BEND5: variants seen among roughly 807,000 people sequenced by gnomAD.
BEND5 encodes BEN domain containing 5.
A neutral mutation model predicts 43.9 loss-of-function variants in BEND5; 22 were observed. The observed-to-expected ratio is 0.50, with a 90% CI of 0.36 to 0.72. BEND5 has a LOEUF of 0.72. Ranked by LOEUF, BEND5 falls within the 30% of genes least tolerant of loss-of-function variation. The probability of loss-of-function intolerance (pLI) is 0.00; values close to 1 mark genes in which losing one functional copy is unlikely to be tolerated. For synonymous variants in BEND5, 228 were observed against 225.9 expected (o/e 1.01, Z -0.08); for missense variants, 428 against 550.6 (o/e 0.78, Z 2.23).
chr1:48,768,417 G>C (rs978659663), intron 1 of BEND5, among the ~76,000 whole-genome samples: 1 of 152,110 alleles, frequency 6.6e-6, no homozygotes, highest in South Asian at 2.1e-4. Context: ...GGTAAAAACT[G>C]CTATTCAAAA....
chr1:48,738,959 T>C (rs1490806546), intron 4 of BEND5, among the ~76,000 whole-genome samples: 3 of 152,250 alleles, frequency 2.0e-5, no homozygotes, highest in Admixed American at 2.0e-4. Flanking sequence ...TAACTTTTCC[T>C]AAGGTACACA....
At chr1:48,775,489 T>C (rs1645033912) in intron 1 of BEND5, among the ~76,000 whole-genome samples, 1 of 152,128 alleles carries the variant, frequency 6.6e-6, no homozygotes, top group South Asian at 2.1e-4. Context: ...TCACTAACCC[T>C]TCGTGTTCTT....
At chr1:48,761,058 GA>G (rs1644232061) in intron 2 of BEND5, 1 of 318,622 alleles carries the variant, frequency 3.1e-6, no homozygotes, top group East Asian at 5.9e-5. Context: ...GGGCCAAGGA[GA>G]AACACACCGT....
rs1218715752 is a variant in BEND5 at position 48,759,017 on chromosome 1, G to A, written c.628C>T (p.Gln210Ter). Residue 210 changes from glutamine to a stop codon, truncating the protein, a stop_gained, in exon 3 of 6, where the codon CAG (glutamine) becomes TAG (stop). Coordinates refer to ENST00000371833, the MANE Select transcript of BEND5 (RefSeq NM_024603.4). LOFTEE classifies it high-confidence loss of function. The stretch of plus-strand genomic sequence containing the variant: ...AGCTTCTTGGCCTGTTGTACCAGCT[G>A]CCTCCGAGTCCGCTCCAGCTCCTGC... Reference protein sequence around the residue: ...LQQELERTRRQLVQQAKKLKE... With the variant: ...LQQELERTRR The A allele has an allele frequency of 6.2e-7, 1 of 1,614,004 alleles. No homozygotes were observed. Among genetic ancestry groups the A allele is most frequent in the African/African-American group, 1.3e-5 (1 of 75,048 alleles).
intron 1 of BEND5, 23 bp downstream of exon 1, chr1:48,776,583 T>G: frequency 7.8e-7 from 1 of 1,289,682 alleles, no homozygotes; most frequent in Non-Finnish European, 1.0e-6. Context: ...GGTCCCACCG[T>G]CCCTCCCCGC....
intron 3 of BEND5, among the ~76,000 whole-genome samples, chr1:48,743,521 A>G (rs976548711): frequency 2.0e-5 from 3 of 152,204 alleles, no homozygotes; most frequent in African/African-American, 7.2e-5. Context: ...ATGGGTAAAT[A>G]AGGCCAAATG....
intron 1 of BEND5, among the ~76,000 whole-genome samples, chr1:48,765,081 C>T (rs1175366548): frequency 6.6e-6 from 1 of 152,184 alleles, no homozygotes; most frequent in African/African-American, 2.4e-5. Flanking sequence ...CCACTCATCT[C>T]CTCCCTCCCT....
chr1:48,742,610 C>T lies in BEND5; in HGVS notation c.894+13G>A. On this transcript the variant is annotated intron_variant, in intron 4 of 5. Coordinates refer to ENST00000371833, the MANE Select transcript of BEND5 (RefSeq NM_024603.4). Reference sequence around the variant, plus strand: ...ACACTTGCAGGGAATGGATATTGAGCTTAAAACACTACCTTGCCATTGTCT... The same window carrying T: ...ACACTTGCAGGGAATGGATATTGAGTTTAAAACACTACCTTGCCATTGTCT... 1 of 1,538,374 alleles carries T rather than the reference C, an allele frequency of 6.5e-7. No individual in the cohort carries two copies. Among genetic ancestry groups the T allele is most frequent in the Non-Finnish European group, 8.8e-7 (1 of 1,136,454 alleles).
At chr1:48,775,369 C>G (rs1390735036) in intron 1 of BEND5, among the ~76,000 whole-genome samples, 1 of 152,138 alleles carries the variant, frequency 6.6e-6, no homozygotes, top group Non-Finnish European at 1.5e-5. Flanking sequence ...CTGGGCAAGT[C>G]TCTATGGGTT....
Position 48,727,834 on chromosome 1 carries a change from A to T in BEND5, c.*52T>A. On this transcript the variant is annotated 3_prime_UTR_variant, in exon 6 of 6. Transcript: ENST00000371833. ...TGATTTGGACGGCACCATCGCTCGC[A>T]AATCACATGCCACACAAGGAAAACA... 6.5e-7 allele frequency: 1 copy of T among 1,538,794 alleles called. No homozygotes were observed. The highest frequency in any genetic ancestry group is 8.9e-7 in the Non-Finnish European group (1 of 1,123,434).
intron 1 of BEND5, among the ~76,000 whole-genome samples, chr1:48,771,533 C>T (rs1644833484): frequency 6.6e-6 from 1 of 152,210 alleles, no homozygotes. Flanking sequence ...CAATGGTTAA[C>T]ATCCCAGTAG....
intron 3 of BEND5, among the ~76,000 whole-genome samples, chr1:48,752,315 G>C (rs776423502): frequency 1.8e-4 from 27 of 152,192 alleles, no homozygotes; most frequent in Admixed American, 1.2e-3. Flanking sequence ...GCAAAGAGAA[G>C]ACTGAGCCAC....
At chr1:48,746,722 C>T (rs1293407925) in intron 3 of BEND5, among the ~76,000 whole-genome samples, 1 of 152,176 alleles carries the variant, frequency 6.6e-6, no homozygotes, top group African/African-American at 2.4e-5. Flanking sequence ...GTCAGGTCAT[C>T]TTACCCTCTC....
chr1:48,763,451 A>G (rs1416774720), intron 1 of BEND5, among the ~76,000 whole-genome samples: 1 of 152,160 alleles, frequency 6.6e-6, no homozygotes, highest in Non-Finnish European at 1.5e-5. Context: ...AGATGAAATT[A>G]TCTTGCAATG....
At chr1:48,770,801 A>G (rs1272061012) in intron 1 of BEND5, among the ~76,000 whole-genome samples, 1 of 152,178 alleles carries the variant, frequency 6.6e-6, no homozygotes, top group Admixed American at 6.5e-5. Context: ...CCAGTCAGTT[A>G]CTAAGTCCCA....
intron 1 of BEND5, among the ~76,000 whole-genome samples, chr1:48,764,245 C>T (rs1246707541): frequency 6.6e-6 from 1 of 152,234 alleles, no homozygotes; most frequent in African/African-American, 2.4e-5. Flanking sequence ...AGACTCCTTA[C>T]TTGCTAGGTG....
chr1:48,732,304 C>G (rs1358969682), intron 5 of BEND5, among the ~76,000 whole-genome samples: 2 of 152,072 alleles, frequency 1.3e-5, no homozygotes, highest in Admixed American at 6.6e-5. Context: ...CCAGTGGGCA[C>G]TTTGATCATA....
Position 48,755,904 on chromosome 1 carries a change from T to C in BEND5, c.745+2996A>G, listed in dbSNP as rs185463150. Reference sequence around the variant, plus strand: ...GAATAAACAAATGAACAAACATATATAACCCCTCTTATCTTCAATATTGTA... The same window carrying C: ...GAATAAACAAATGAACAAACATATACAACCCCTCTTATCTTCAATATTGTA... On this transcript the variant is annotated intron_variant, in intron 3 of 5. Coordinates refer to ENST00000371833, the MANE Select transcript of BEND5 (RefSeq NM_024603.4). Among the ~76,000 whole-genome samples the C allele has an allele frequency of 7.1e-4, 108 of 152,312 alleles. 1 individual carries two copies. The highest frequency in any genetic ancestry group is 5.4e-3 in the Admixed American group (83 of 15,304).
At chr1:48,744,362 A>C (rs1444072186) in intron 3 of BEND5, among the ~76,000 whole-genome samples, 4 of 152,242 alleles carry the variant, frequency 2.6e-5, no homozygotes, top group East Asian at 1.9e-4. Context: ...CACAGGTTAA[A>C]ATTTTGAGAC....
Sources: allele counts gnomAD v4.1 joint callset (sites outside exome capture counted in the v4.1 genomes callset), GRCh38; gene constraint gnomAD v4.1.1; transcripts MANE v1.5; gene names NCBI Gene and HGNC (gene_info 2026-07-23, HGNC 2026-07-21).